Variants in ERBB4 observed in about 807,000 individuals in gnomAD.
ERBB4 encodes erb-b2 receptor tyrosine kinase 4.
A neutral mutation model predicts 158.0 loss-of-function variants in ERBB4; 42 were observed. The ratio of observed to expected loss-of-function variants is 0.27; its 90% CI spans 0.21 to 0.34. The LOEUF (loss-of-function observed/expected upper bound fraction) is 0.34. ERBB4 is among the 10% of genes least tolerant of loss of function. ERBB4 has a pLI of 1.00. For missense variants in ERBB4, 1,333 were observed against 1,624.1 expected, an observed-to-expected ratio of 0.82 and a Z score of 3.08; for synonymous variants, 583 against 558.7, an observed-to-expected ratio of 1.04 and a Z score of -0.61.
Position 211,413,305 on chromosome 2 carries a change from T to TAAAAAAAAAAAAAAA in ERBB4, c.3135+7135_3135+7136insTTTTTTTTTTTTTTT, listed in dbSNP as rs768289370. Reference sequence around the variant, plus strand: ...TTGGGGACAGAGAGAGACCCTGTCTTAAAAACACACACACACACACACACA... The same window carrying TAAAAAAAAAAAAAAA: ...TTGGGGACAGAGAGAGACCCTGTCTTAAAAAAAAAAAAAAAAAAAACACACACACACACACACACA... On this transcript the variant is annotated intron_variant, in intron 25 of 27. Coordinates refer to ENST00000342788, the MANE Select transcript of ERBB4 (RefSeq NM_005235.3). Among the ~76,000 whole-genome samples, 169 of 56,898 alleles carry TAAAAAAAAAAAAAAA rather than the reference T, an allele frequency of 3.0e-3. 9 individuals carry two copies. The highest frequency in any genetic ancestry group is 0.012 in the South Asian group (29 of 2,392). 37.3% of individuals were successfully genotyped at this position (56,898 alleles called of 152,430 possible).
chr2:211,540,715 A>G (rs1275963099), intron 20 of ERBB4, among the ~76,000 whole-genome samples: 3 of 144,288 alleles, frequency 2.1e-5, no homozygotes, highest in African/African-American at 7.7e-5. Context: ...TTAAATCCTG[A>G]ATAGGGTCAC....
intron 1 of ERBB4, among the ~76,000 whole-genome samples, chr2:212,133,396 G>GTT (rs575131971): frequency 2.9e-5 from 4 of 137,126 alleles, no homozygotes; most frequent in African/African-American, 1.2e-4. Context: ...TCATTTTGGT[G>GTT]TTTTTTTTTT....
intron 1 of ERBB4, among the ~76,000 whole-genome samples, chr2:212,476,112 C>T (rs898916097): frequency 2.0e-5 from 3 of 151,116 alleles, no homozygotes; most frequent in African/African-American, 4.9e-5. Context: ...CATGCCACAT[C>T]CCCACCAAAC....
At chr2:212,453,658 T>C (rs567774097) in intron 1 of ERBB4, among the ~76,000 whole-genome samples, 16 of 152,174 alleles carry the variant, frequency 1.1e-4, no homozygotes, top group Non-Finnish European at 1.9e-4. Context: ...ATATGATTAT[T>C]ACACCAGGGT....
intron 1 of ERBB4, among the ~76,000 whole-genome samples, chr2:212,283,528 A>C (rs183729669): frequency 1.3e-5 from 2 of 151,986 alleles, no homozygotes; most frequent in Admixed American, 6.6e-5. Context: ...GCAAAATAAG[A>C]TATGTATCAC....
intron 3 of ERBB4, among the ~76,000 whole-genome samples, chr2:211,929,765 G>A (rs953564881): frequency 1.3e-5 from 2 of 152,066 alleles, no homozygotes; most frequent in Non-Finnish European, 2.9e-5. Flanking sequence ...AATGTGCATG[G>A]CTATGCATAA....
intron 1 of ERBB4, among the ~76,000 whole-genome samples, chr2:212,162,303 A>G (rs979258539): frequency 3.3e-5 from 5 of 151,896 alleles, no homozygotes; most frequent in African/African-American, 9.7e-5. Context: ...TTATCTTTGA[A>G]AAAGTCTTAT....
At chr2:211,469,989 T>A (rs1427506216) in intron 20 of ERBB4, among the ~76,000 whole-genome samples, 1 of 152,036 alleles carries the variant, frequency 6.6e-6, no homozygotes, top group Non-Finnish European at 1.5e-5. Flanking sequence ...CCGGTTATAA[T>A]CATATACTTG....
chr2:211,587,151 A>T (rs1223781108), intron 19 of ERBB4, among the ~76,000 whole-genome samples: 1 of 151,254 alleles, frequency 6.6e-6, no homozygotes, highest in African/African-American at 2.4e-5. Context: ...CAGGAGTTCA[A>T]GACCAGCCTG....
chr2:212,460,178 G>A (rs930978550), intron 1 of ERBB4, among the ~76,000 whole-genome samples: 1 of 152,200 alleles, frequency 6.6e-6, no homozygotes, highest in South Asian at 2.1e-4. Flanking sequence ...CCAGCATGTG[G>A]AACTGTAAGT....
At chr2:212,160,044 T>C (rs2081157946) in intron 1 of ERBB4, among the ~76,000 whole-genome samples, 1 of 152,028 alleles carries the variant, frequency 6.6e-6, no homozygotes, top group Non-Finnish European at 1.5e-5. Flanking sequence ...TGCGTTGTCT[T>C]CAAACTATTC....
chr2:211,907,924 GT>G (rs1243817736), intron 3 of ERBB4, among the ~76,000 whole-genome samples: 1 of 151,760 alleles, frequency 6.6e-6, no homozygotes, highest in Non-Finnish European at 1.5e-5. Flanking sequence ...TATACAGCAT[GT>G]TTTATCTTGC....
At chr2:211,458,890 C>G (rs1403911706) in intron 20 of ERBB4, among the ~76,000 whole-genome samples, 2 of 152,166 alleles carry the variant, frequency 1.3e-5, no homozygotes, top group Non-Finnish European at 1.5e-5. Flanking sequence ...TTCTGCAGCT[C>G]TTTAAGAAAG....
chr2:212,147,435 C>T (rs373746367), intron 1 of ERBB4, among the ~76,000 whole-genome samples: 5 of 151,902 alleles, frequency 3.3e-5, no homozygotes, highest in African/African-American at 1.2e-4. Flanking sequence ...CACTGTTATT[C>T]TAAAATTCTA....
chr2:211,424,185 T>G lies in ERBB4; in HGVS notation c.2836A>C (p.Thr946Pro). The change falls in exon 23 of 28, where the codon ACT becomes CCT. Residue 946 changes from threonine to proline, a missense_variant. Physicochemically the swap from Thr to Pro is conservative, Grantham distance 38 (BLOSUM62 -1). Transcript: ENST00000342788. ...ACCATGACCATGTAAACGTCAATAG[T>G]GCAGATGGGAGGCTGAGGCAAACGT... ...GERLPQPPICTIDVYMVMVKC... is the reference protein window; with the variant it reads ...GERLPQPPICPIDVYMVMVKC... The G allele has an allele frequency of 6.2e-7, 1 of 1,613,376 alleles. No individual in the cohort carries two copies.
At chr2:211,397,908 C>T (rs955570576) in intron 25 of ERBB4, among the ~76,000 whole-genome samples, 5 of 152,090 alleles carry the variant, frequency 3.3e-5, no homozygotes, top group Admixed American at 6.5e-5. Context: ...TGAATTCATT[C>T]GTAAAATCTT....
chr2:212,337,310 C>T (rs925403580), intron 1 of ERBB4, among the ~76,000 whole-genome samples: 1 of 152,040 alleles, frequency 6.6e-6, no homozygotes, highest in Admixed American at 6.6e-5. Context: ...TCTATAATAA[C>T]CTTTCTCTTG....
rs185561871 is a variant in ERBB4, at chr2:211,979,510, T to C, written c.235-31894A>G. Among the ~76,000 whole-genome samples, 394 of 152,326 alleles carry C rather than the reference T, an allele frequency of 2.6e-3. 1 individual carries two copies. The highest frequency in any genetic ancestry group is 3.5e-3 in the Non-Finnish European group (241 of 68,008). Reference sequence around the variant, plus strand: ...GTTCTACTTTTGACAAAATTATGCTTCTGGTAATCCTTAAACTTAATTTTA... The same window carrying C: ...GTTCTACTTTTGACAAAATTATGCTCCTGGTAATCCTTAAACTTAATTTTA... On this transcript the variant is annotated intron_variant, in intron 2 of 27. Coordinates refer to ENST00000342788, the MANE Select transcript of ERBB4 (RefSeq NM_005235.3).
At chr2:211,679,330 C>G (rs2072242445) in intron 12 of ERBB4, 146 bp from the exon 13 acceptor site, 2 of 802,182 alleles carry the variant, frequency 2.5e-6, no homozygotes, top group Non-Finnish European at 4.1e-6. Flanking sequence ...CGTCATGTCC[C>G]ATCCTACCCA....
Sources: gnomAD v4.1 joint callset for allele counts (sites outside exome capture counted in the v4.1 genomes callset) on GRCh38, gnomAD v4.1.1 for gene constraint, MANE v1.5 for transcripts, NCBI Gene and HGNC (gene_info 2026-07-23, HGNC 2026-07-21) for gene names.